The following SSX2IP variants were observed in gnomAD, a reference collection of about 807,000 sequenced individuals.
SSX2IP encodes the protein afadin- and alpha-actinin-binding protein.
SSX2IP carries 55 observed loss-of-function variants against 84.9 expected under a neutral mutation model. The ratio of observed to expected loss-of-function variants is 0.65; its 90% CI spans 0.52 to 0.81. SSX2IP has a LOEUF of 0.81. Among genes scored for constraint, SSX2IP ranks in the 30% least tolerant of loss-of-function variants. SSX2IP has a pLI of 0.00. For synonymous variants in SSX2IP, 239 were observed against 234.7 expected, an observed-to-expected ratio of 1.02 and a Z score of -0.17; for missense variants, 664 against 705.2, an observed-to-expected ratio of 0.94 and a Z score of 0.66.
intron 1 of SSX2IP, among the ~76,000 whole-genome samples, chr1:84,677,395 G>A (rs1025663865): frequency 8.5e-5 from 13 of 152,070 alleles, no homozygotes; most frequent in Non-Finnish European, 1.8e-4. Flanking sequence ...AGTAAAGTTC[G>A]TTGGCTAGCT....
At chr1:84,670,609 A>G (rs746694888) in intron 3 of SSX2IP, 37 bp downstream of exon 3, 6 of 1,423,782 alleles carry the variant, frequency 4.2e-6, no homozygotes, top group East Asian at 4.7e-5. Context: ...ATTATATAAC[A>G]TGATTTATGC....
intron 4 of SSX2IP, 140 bp downstream of exon 4, chr1:84,669,541 A>T (rs182514629): frequency 1.5e-6 from 1 of 668,100 alleles, no homozygotes; most frequent in Non-Finnish European, 2.5e-6. Context: ...TGTGTAAATT[A>T]TAAGTTCACT....
chr1:84,656,102 A>G, intron 10 of SSX2IP, 97 bp from the exon 11 acceptor site: 1 of 1,154,598 alleles, frequency 8.7e-7, no homozygotes, highest in Non-Finnish European at 1.2e-6. Flanking sequence ...ACTTCAGGGC[A>G]GGAATAGAAA....
intron 1 of SSX2IP, among the ~76,000 whole-genome samples, chr1:84,687,634 G>C (rs1655982317): frequency 6.6e-6 from 1 of 152,216 alleles, no homozygotes; most frequent in African/African-American, 2.4e-5. Context: ...TAACTGCTGT[G>C]TGGGACTGTC....
chr1:84,655,413 T>G (rs1040484353), intron 11 of SSX2IP: 1 of 1,288,058 alleles, frequency 7.8e-7, no homozygotes, highest in Non-Finnish European at 1.0e-6. Flanking sequence ...AGAGCGTATA[T>G]ATAACAATGA....
chr1:84,659,245 C>T (rs568157189), intron 8 of SSX2IP, among the ~76,000 whole-genome samples: 2 of 152,224 alleles, frequency 1.3e-5, no homozygotes, highest in African/African-American at 4.8e-5. Flanking sequence ...AGGGCTGATT[C>T]GACTGCTCGC....
intron 8 of SSX2IP, among the ~76,000 whole-genome samples, chr1:84,661,983 T>C (rs1044995773): frequency 6.6e-6 from 1 of 152,190 alleles, no homozygotes; most frequent in African/African-American, 2.4e-5. Context: ...TGACATGTAT[T>C]AATTCCCCGG....
chr1:84,645,107 A>G lies in SSX2IP; in HGVS notation c.*2326T>C, dbSNP rs910860414. ...GATAAACAAGAAAGCACTTATCAGG[A>G]GGACTTACAAATGGAAGTACACTCT... On this transcript the variant is annotated 3_prime_UTR_variant, in exon 14 of 14. Coordinates refer to ENST00000342203, the MANE Select transcript of SSX2IP (RefSeq NM_001166293.2). 5 of 152,244 alleles carry G rather than the reference A, an allele frequency of 3.3e-5. No individual in the cohort carries two copies. The highest frequency in any genetic ancestry group is 4.1e-4 in the South Asian group (2 of 4,830). The allele number at this position is 152,244 out of a possible 1,614,324, so 9.4% of individuals were successfully genotyped here. A position where few individuals can be genotyped will look rare whatever the true frequency, so the allele number is the denominator to read the frequency against.
At chr1:84,675,335 C>A (rs1262271256) in intron 1 of SSX2IP, among the ~76,000 whole-genome samples, 4 of 152,150 alleles carry the variant, frequency 2.6e-5, no homozygotes, top group African/African-American at 9.7e-5. Context: ...AGCAGTGATT[C>A]ATGTTTTAGT....
At chr1:84,661,178 AAAAT>A (rs1396381000) in intron 8 of SSX2IP, among the ~76,000 whole-genome samples, 1 of 152,092 alleles carries the variant, frequency 6.6e-6, no homozygotes, top group Non-Finnish European at 1.5e-5. Context: ...GTGATACCAC[AAAAT>A]AAATAATCCT....
At position 84,689,961 on chromosome 1, in the gene SSX2IP, C is replaced by T. The variant is rs113605145; in HGVS notation, c.-90+410G>A. Among the ~76,000 whole-genome samples the T allele has an allele frequency of 3.3e-5, 5 of 152,270 alleles. 1 individual carries two copies. Among genetic ancestry groups the T allele is most frequent in the African/African-American group, 1.2e-4 (5 of 41,558 alleles). Reference sequence around the variant, plus strand: ...AAATCGCCAAACCCCGCATGCCCCACGGCCGCTGCTGAGACTCTGCAGCCC... The same window carrying T: ...AAATCGCCAAACCCCGCATGCCCCATGGCCGCTGCTGAGACTCTGCAGCCC... On this transcript the variant is annotated intron_variant, in intron 1 of 13. Coordinates refer to ENST00000342203, the MANE Select transcript of SSX2IP (RefSeq NM_001166293.2).
chr1:84,670,495 T>G, intron 3 of SSX2IP, 151 bp downstream of exon 3: 3 of 509,250 alleles, frequency 5.9e-6, no homozygotes, highest in East Asian at 3.4e-5. Context: ...TATCTCTAGA[T>G]GAGATAATCA....
At chr1:84,658,627 GA>G (rs766371919) in intron 8 of SSX2IP, among the ~76,000 whole-genome samples, 159 bp from the exon 9 acceptor site, 25 of 151,912 alleles carry the variant, frequency 1.6e-4, no homozygotes, top group African/African-American at 6.0e-4. Context: ...AATGTCTTGA[GA>G]AAAAAAATGA....
At position 84,646,575 on chromosome 1, in the gene SSX2IP, A is replaced by T. The variant is rs2102100642; in HGVS notation, c.*858T>A. The T allele has an allele frequency of 6.6e-6, 1 of 152,508 alleles. No homozygotes were observed. The highest frequency in any genetic ancestry group is 1.9e-4 in the East Asian group (1 of 5,202). The allele number at this position is 152,508 out of a possible 1,614,324, so 9.4% of individuals were successfully genotyped here. ...CTTCTATCATCCAATATCTTAAACC[A>T]ATTTCTTAAATTGTTTTATTCAAAG... On this transcript the variant is annotated 3_prime_UTR_variant, in exon 14 of 14. Transcript: ENST00000342203.
chr1:84,676,712 T>A (rs1263412475), intron 1 of SSX2IP, among the ~76,000 whole-genome samples: 1 of 122,592 alleles, frequency 8.2e-6, no homozygotes, highest in African/African-American at 2.9e-5. Flanking sequence ...GACTCTGTGC[T>A]CTTTTCCTTT....
chr1:84,662,088 G>A (rs1652074072), intron 8 of SSX2IP, 110 bp downstream of exon 8: 1 of 680,624 alleles, frequency 1.5e-6, no homozygotes, highest in Admixed American at 2.7e-5. Flanking sequence ...TAGCAGTTGA[G>A]TGTCCTATTC....
At chr1:84,661,243 T>G (rs759646500) in intron 8 of SSX2IP, among the ~76,000 whole-genome samples, 1 of 152,094 alleles carries the variant, frequency 6.6e-6, no homozygotes, top group African/African-American at 2.4e-5. Flanking sequence ...TAACTAGCAT[T>G]TTCCATCAAC....
rs536189407 is a variant in SSX2IP, at chr1:84,650,741, G to C, written c.1505-214C>G. Among the ~76,000 whole-genome samples the C allele has an allele frequency of 4.0e-5, 6 of 150,664 alleles. No individual in the cohort carries two copies. The South Asian group carries it at 1.3e-3, about 32-fold the overall frequency. On this transcript the variant is annotated intron_variant, in intron 12 of 13. Transcript: ENST00000342203. ...TTTTTTTGAGATGGAGTCTTGCTCT[G>C]TCACCCAGGCTGGAGTGCAGTGATG...
At chr1:84,658,094 C>G (rs1651392803) in intron 9 of SSX2IP, 2 of 455,910 alleles carry the variant, frequency 4.4e-6, no homozygotes, top group South Asian at 6.8e-5. Context: ...CGAGATGGCA[C>G]CACTACACTC....
Sources: gnomAD v4.1 joint callset for allele counts (sites outside exome capture counted in the v4.1 genomes callset) on GRCh38, gnomAD v4.1.1 for gene constraint, MANE v1.5 for transcripts, NCBI Gene and HGNC (gene_info 2026-07-23, HGNC 2026-07-21) for gene names.